ACTR3B: variants seen among roughly 807,000 people sequenced by gnomAD.
ACTR3B encodes the protein actin-related protein 3B.
In ACTR3B, 8 loss-of-function variants were observed where a neutral mutation model predicts 59.0. The observed-to-expected ratio is 0.14, with a 90% CI of 0.08 to 0.24. The LOEUF is 0.24. ACTR3B is among the 10% of genes least tolerant of loss of function. The probability of loss-of-function intolerance (pLI) is 1.00; values close to 1 mark genes in which losing one functional copy is unlikely to be tolerated. For synonymous variants in ACTR3B, 148 were observed against 197.9 expected (o/e 0.75, Z 2.12); for missense variants, 245 against 552.3 (o/e 0.44, Z 5.58).
intron 2 of ACTR3B, among the ~76,000 whole-genome samples, chr7:152,789,079 CAACAAA>C (rs1338403292): frequency 6.6e-6 from 1 of 151,824 alleles, no homozygotes; most frequent in Non-Finnish European, 1.5e-5. Context: ...ACAACAACAA[CAACAAA>C]GCCCTTACAC....
intron 1 of ACTR3B, among the ~76,000 whole-genome samples, chr7:152,769,730 ATT>A (rs1280060390): frequency 2.0e-5 from 3 of 152,036 alleles, no homozygotes; most frequent in African/African-American, 7.2e-5. Flanking sequence ...GGCAGACTGT[ATT>A]TTTGTCTAAT....
intron 1 of ACTR3B, among the ~76,000 whole-genome samples, chr7:152,775,464 A>T (rs976394558): frequency 1.3e-5 from 2 of 152,128 alleles, no homozygotes; most frequent in Admixed American, 1.3e-4. Flanking sequence ...AGGACTGTTT[A>T]AAATGTTTGG....
At chr7:152,819,007 TG>T (rs1253800708) in intron 6 of ACTR3B, among the ~76,000 whole-genome samples, 2 of 152,288 alleles carry the variant, frequency 1.3e-5, no homozygotes, top group Non-Finnish European at 2.9e-5. Flanking sequence ...TGTCATGAGC[TG>T]ATATTTATTT....
intron 9 of ACTR3B, among the ~76,000 whole-genome samples, chr7:152,842,123 A>G (rs967137930): frequency 6.6e-6 from 1 of 152,186 alleles, no homozygotes; most frequent in African/African-American, 2.4e-5. Context: ...CTTCTTATCC[A>G]TGGGGCATGC....
chr7:152,847,817 A>G (rs943678441), intron 9 of ACTR3B, among the ~76,000 whole-genome samples: 2 of 152,158 alleles, frequency 1.3e-5, no homozygotes, highest in African/African-American at 4.8e-5. Context: ...TTTTTCTGAC[A>G]CTGAGACCTG....
At chr7:152,822,868 G>T (rs1416776355) in intron 7 of ACTR3B, among the ~76,000 whole-genome samples, 2 of 152,218 alleles carry the variant, frequency 1.3e-5, no homozygotes. Flanking sequence ...CTTGTGGCGT[G>T]CTGGGACCCA....
chr7:152,772,022 G>A (rs1563075274), intron 1 of ACTR3B, among the ~76,000 whole-genome samples: 6 of 152,114 alleles, frequency 3.9e-5, no homozygotes, highest in Non-Finnish European at 8.8e-5. Flanking sequence ...CCAAGATCAC[G>A]CCATTGCACT....
chr7:152,812,297 C>A, intron 4 of ACTR3B: 1 of 96,770 alleles, frequency 1.0e-5, no homozygotes, highest in African/African-American at 2.8e-5. Context: ...TCCCAAAGTG[C>A]TGGGATTACA....
intron 9 of ACTR3B, among the ~76,000 whole-genome samples, chr7:152,837,159 G>A (rs1797527818): frequency 6.6e-6 from 1 of 152,118 alleles, no homozygotes; most frequent in Admixed American, 6.5e-5. Flanking sequence ...CTGGGTGACA[G>A]AGTGAGACCT....
intron 9 of ACTR3B, among the ~76,000 whole-genome samples, chr7:152,826,994 G>A (rs1331763724): frequency 2.6e-5 from 4 of 151,782 alleles, no homozygotes; most frequent in Non-Finnish European, 2.9e-5. Context: ...TGTAAAATGC[G>A]GAGGGAAGAG....
chr7:152,831,744 G>A (rs1797049777), intron 9 of ACTR3B, among the ~76,000 whole-genome samples: 1 of 152,160 alleles, frequency 6.6e-6, no homozygotes, highest in Non-Finnish European at 1.5e-5. Flanking sequence ...TGTGGGTCTG[G>A]AGGGAATTTA....
At chr7:152,802,693 G>A (rs1369873988) in intron 4 of ACTR3B, among the ~76,000 whole-genome samples, 4 of 151,520 alleles carry the variant, frequency 2.6e-5, no homozygotes, top group Non-Finnish European at 5.9e-5. Context: ...CGTAAGCTGC[G>A]TATTAAACCT....
At chr7:152,762,958 C>G (rs1458563590) in intron 1 of ACTR3B, among the ~76,000 whole-genome samples, 1 of 152,150 alleles carries the variant, frequency 6.6e-6, no homozygotes, top group Non-Finnish European at 1.5e-5. Flanking sequence ...TCACTTGGAT[C>G]ATTTGGAGAG....
chr7:152,830,007 C>T (rs187492551), intron 9 of ACTR3B, among the ~76,000 whole-genome samples: 212 of 152,196 alleles, frequency 1.4e-3, no homozygotes, highest in African/African-American at 4.7e-3. Context: ...GCTAAAAATA[C>T]GGAAATAACT....
chr7:152,791,043 T>C (rs1204535310), intron 2 of ACTR3B, among the ~76,000 whole-genome samples: 1 of 151,542 alleles, frequency 6.6e-6, no homozygotes, highest in Non-Finnish European at 1.5e-5. Context: ...AGACAGAGTC[T>C]TGCTCTGTCG....
intron 1 of ACTR3B, among the ~76,000 whole-genome samples, chr7:152,766,477 G>A (rs146707428): frequency 0.018 from 2,737 of 152,232 alleles, 83 homozygotes; most frequent in African/African-American, 0.06. Flanking sequence ...TTAGCATTTA[G>A]GGAATGGTGG....
chr7:152,792,139 G>A (rs1248043358), intron 2 of ACTR3B, among the ~76,000 whole-genome samples: 1 of 151,952 alleles, frequency 6.6e-6, no homozygotes, highest in Non-Finnish European at 1.5e-5. Flanking sequence ...CACCTGCCTC[G>A]GCCTTCCAAA....
intron 1 of ACTR3B, among the ~76,000 whole-genome samples, chr7:152,766,491 C>T (rs1261089986): frequency 1.3e-5 from 2 of 152,154 alleles, no homozygotes; most frequent in Admixed American, 6.5e-5. Flanking sequence ...ATGGTGGGAA[C>T]GCCTGAACTC....
At chr7:152,837,399 G>T (rs560422092) in intron 9 of ACTR3B, among the ~76,000 whole-genome samples, 1 of 152,322 alleles carries the variant, frequency 6.6e-6, no homozygotes, top group Admixed American at 6.5e-5. Flanking sequence ...AGCAAATGAC[G>T]CCTGTAAGCC....
Sources: allele counts gnomAD v4.1 joint callset (sites outside exome capture counted in the v4.1 genomes callset), GRCh38; gene constraint gnomAD v4.1.1; transcripts MANE v1.5; gene names NCBI Gene and HGNC (gene_info 2026-07-23, HGNC 2026-07-21).